The following NEGR1 variants were observed in gnomAD, a reference collection of about 807,000 sequenced individuals.
NEGR1 encodes the protein IgLON family member 4.
A neutral mutation model predicts 40.9 loss-of-function variants in NEGR1; 10 were observed. The observed-to-expected ratio is 0.24, with a 90% CI of 0.15 to 0.42. NEGR1 has a LOEUF of 0.42. Ranked by LOEUF, NEGR1 falls within the 10% of genes least tolerant of loss-of-function variation. The pLI, the probability that NEGR1 is intolerant of heterozygous loss-of-function variation, is 1.00. For missense variants in NEGR1, 352 were observed against 438.9 expected, an observed-to-expected ratio of 0.80 and a Z score of 1.77; for synonymous variants, 185 against 166.8, an observed-to-expected ratio of 1.11 and a Z score of -0.84.
chr1:72,130,653 T>G (rs1372820602), intron 1 of NEGR1, among the ~76,000 whole-genome samples: 4 of 152,096 alleles, frequency 2.6e-5, no homozygotes, highest in Non-Finnish European at 5.9e-5. Flanking sequence ...TCAGAACATT[T>G]AAGTCATGCT....
rs541238019 is a variant in NEGR1, at chr1:71,449,774, A to G, written c.941-42204T>C. Among the ~76,000 whole-genome samples the G allele has an allele frequency of 2.0e-5, 3 of 152,268 alleles. No homozygotes were observed. The East Asian group carries it at 5.8e-4, about 29-fold the overall frequency. On this transcript the variant is annotated intron_variant, in intron 6 of 6. Coordinates refer to ENST00000357731, the MANE Select transcript of NEGR1 (RefSeq NM_173808.3). ...AAGATTTATTGATATGCTCGAGGTT[A>G]CATGATCATTAAATGGACTCAGGGC...
chr1:72,151,267 TTTAA>T (rs1173294529), intron 1 of NEGR1, among the ~76,000 whole-genome samples: 2 of 151,146 alleles, frequency 1.3e-5, no homozygotes, highest in African/African-American at 2.4e-5. Context: ...TATAATTTAG[TTTAA>T]TAAATACTTA....
At chr1:71,587,572 G>A (rs375183440) in intron 6 of NEGR1, among the ~76,000 whole-genome samples, 1 of 151,882 alleles carries the variant, frequency 6.6e-6, no homozygotes, top group Non-Finnish European at 1.5e-5. Context: ...AGTTTTGATC[G>A]GTCCTTTGAA....
chr1:72,059,165 G>A (rs991103421), intron 1 of NEGR1, among the ~76,000 whole-genome samples: 10 of 151,560 alleles, frequency 6.6e-5, no homozygotes, highest in African/African-American at 2.4e-4. Flanking sequence ...TGTCAACAAA[G>A]CAGCTGCATA....
In NEGR1 at chr1:71,573,028, T is replaced by C. The variant is rs1019861924; in HGVS notation, c.940+19789A>G. Among the ~76,000 whole-genome samples, 6 of 152,136 alleles carry C rather than the reference T, an allele frequency of 3.9e-5. No individual in the cohort carries two copies. In the South Asian group the frequency reaches 1.0e-3, roughly 26 times the overall value. On this transcript the variant is annotated intron_variant, in intron 6 of 6. Coordinates refer to ENST00000357731, the MANE Select transcript of NEGR1 (RefSeq NM_173808.3). ...TTAGGATAAGGGTTTTGCAGAAAAT[T>C]CCCTTGTGCTGGGGAGCTTCCCCTC...
Position 72,090,245 on chromosome 1 carries a change from T to C in NEGR1, c.177-154934A>G, listed in dbSNP as rs184492579. 2.1e-3 allele frequency among the ~76,000 whole-genome samples: 323 copies of C among 151,972 alleles called. 1 individual carries two copies. The highest frequency in any genetic ancestry group is 3.7e-3 in the South Asian group (18 of 4,820). ...TAATCATTATATTAATGGAATGACT[T>C]AAGGCAAAACGTCCACCAAAAAGTA... On this transcript the variant is annotated intron_variant, in intron 1 of 6. Transcript: ENST00000357731.
intron 4 of NEGR1, among the ~76,000 whole-genome samples, chr1:71,654,627 G>T (rs899480074): frequency 5.3e-5 from 8 of 152,104 alleles, no homozygotes; most frequent in African/African-American, 1.7e-4. Context: ...ATTCATTGGG[G>T]TGTGGAAAGG....
chr1:71,961,423 T>TA (rs1229023214), intron 1 of NEGR1, among the ~76,000 whole-genome samples: 3 of 152,120 alleles, frequency 2.0e-5, no homozygotes, highest in Non-Finnish European at 4.4e-5. Flanking sequence ...AAGGCTTAAC[T>TA]AAAAAGCAGT....
At chr1:71,938,872 T>C (rs1645934417) in intron 1 of NEGR1, among the ~76,000 whole-genome samples, 4 of 152,156 alleles carry the variant, frequency 2.6e-5, no homozygotes, top group Admixed American at 2.6e-4. Context: ...CTCTGGCTTC[T>C]GCCCTTGACC....
intron 3 of NEGR1, among the ~76,000 whole-genome samples, chr1:71,761,311 A>G (rs2101700192): frequency 6.6e-6 from 1 of 152,292 alleles, no homozygotes; most frequent in South Asian, 2.1e-4. Flanking sequence ...AGGAATGAGC[A>G]TGGTGATGTT....
intron 6 of NEGR1, among the ~76,000 whole-genome samples, chr1:71,581,409 A>C (rs947773120): frequency 6.6e-6 from 1 of 152,224 alleles, no homozygotes; most frequent in African/African-American, 2.4e-5. Context: ...GCAGTATTCC[A>C]AAACTATTCT....
intron 6 of NEGR1, among the ~76,000 whole-genome samples, chr1:71,501,323 T>C (rs1242464031): frequency 6.6e-6 from 1 of 152,180 alleles, no homozygotes; most frequent in East Asian, 1.9e-4. Flanking sequence ...GCATTAATTG[T>C]GATTCAATGA....
chr1:72,072,203 A>T (rs1647495344), intron 1 of NEGR1, among the ~76,000 whole-genome samples: 1 of 152,016 alleles, frequency 6.6e-6, no homozygotes. Context: ...ATCCTATTAT[A>T]TTTTGCTTTT....
At chr1:71,778,119 A>C in intron 2 of NEGR1, among the ~76,000 whole-genome samples, 1 of 152,170 alleles carries the variant, frequency 6.6e-6, no homozygotes, top group East Asian at 1.9e-4. Flanking sequence ...TTAGATATTT[A>C]GTTGTAGGTA....
intron 6 of NEGR1, among the ~76,000 whole-genome samples, chr1:71,437,885 C>T (rs971464296): frequency 2.0e-5 from 3 of 152,064 alleles, no homozygotes; most frequent in Admixed American, 2.0e-4. Flanking sequence ...ATTTTCAAGT[C>T]GAAGGAGAGC....
intron 1 of NEGR1, among the ~76,000 whole-genome samples, chr1:72,043,872 G>C (rs1646977712): frequency 6.6e-6 from 1 of 151,658 alleles, no homozygotes; most frequent in South Asian, 2.1e-4. Context: ...TATTTTGGTT[G>C]GACTTCCAGG....
intron 4 of NEGR1, among the ~76,000 whole-genome samples, chr1:71,640,819 T>G (rs1245349096): frequency 6.6e-6 from 1 of 152,004 alleles, no homozygotes; most frequent in Non-Finnish European, 1.5e-5. Flanking sequence ...AATGAATGGC[T>G]GAAAACAGAC....
chr1:72,257,626 AAAGGAG>A (rs1362281945), intron 1 of NEGR1, among the ~76,000 whole-genome samples: 1 of 152,174 alleles, frequency 6.6e-6, no homozygotes, highest in African/African-American at 2.4e-5. Context: ...TGAAGGGGCA[AAAGGAG>A]AAGGTAACTT....
intron 1 of NEGR1, among the ~76,000 whole-genome samples, chr1:71,965,113 G>A (rs1328938142): frequency 6.6e-6 from 1 of 152,012 alleles, no homozygotes; most frequent in African/African-American, 2.4e-5. Context: ...AATAATCGAG[G>A]GTCACACAAA....
Sources: gnomAD v4.1 joint callset for allele counts (sites outside exome capture counted in the v4.1 genomes callset) on GRCh38, gnomAD v4.1.1 for gene constraint, MANE v1.5 for transcripts, NCBI Gene and HGNC (gene_info 2026-07-23, HGNC 2026-07-21) for gene names.